Variants in ESR1 observed in about 807,000 individuals in gnomAD.
The protein encoded by ESR1 is estrogen receptor 1.
ESR1 carries 12 observed loss-of-function variants against 52.7 expected under a neutral mutation model. That is an observed-to-expected ratio of 0.23 (90% CI 0.15 to 0.37). The LOEUF (loss-of-function observed/expected upper bound fraction) is 0.37. Ranked by LOEUF, ESR1 falls within the 10% of genes least tolerant of loss-of-function variation. The probability of loss-of-function intolerance (pLI) is 1.00; values close to 1 mark genes in which losing one functional copy is unlikely to be tolerated. For synonymous variants in ESR1, 305 were observed against 316.8 expected (o/e 0.96, Z 0.39); for missense variants, 584 against 779.7 (o/e 0.75, Z 2.99).
intron 1 of ESR1, among the ~76,000 whole-genome samples, chr6:151,671,150 T>C (rs996881513): frequency 6.6e-6 from 1 of 152,250 alleles, no homozygotes; most frequent in Middle Eastern, 3.4e-3. Flanking sequence ...AGTAAAATAA[T>C]ACATAGAAAG....
chr6:151,991,216 T>C (rs2040980643), intron 4 of ESR1, among the ~76,000 whole-genome samples: 1 of 152,202 alleles, frequency 6.6e-6, no homozygotes, highest in Non-Finnish European at 1.5e-5. Context: ...ACTGACCTGA[T>C]TTGGGTAACT....
intron 2 of ESR1, among the ~76,000 whole-genome samples, chr6:151,705,090 C>T (rs770249086): frequency 9.9e-5 from 15 of 151,944 alleles, no homozygotes; most frequent in Admixed American, 2.6e-4. Context: ...CCATTGTGTG[C>T]GAGATATGGG....
At chr6:151,764,565 A>C (rs1784903962) in intron 2 of ESR1, among the ~76,000 whole-genome samples, 1 of 152,146 alleles carries the variant, frequency 6.6e-6, no homozygotes, top group South Asian at 2.1e-4. Context: ...CTGGAAATCG[A>C]TGGAAGAAGT....
intron 6 of ESR1, among the ~76,000 whole-genome samples, chr6:152,071,473 C>A (rs2048345642): frequency 6.6e-6 from 1 of 152,158 alleles, no homozygotes; most frequent in East Asian, 1.9e-4. Flanking sequence ...GGGCAAGTTG[C>A]TTAAACCCTT....
chr6:151,963,976 TCTTA>T (rs367905829), intron 4 of ESR1, among the ~76,000 whole-genome samples: 52 of 152,300 alleles, frequency 3.4e-4, no homozygotes, highest in African/African-American at 1.2e-3. Flanking sequence ...AATAAGTTGA[TCTTA>T]CTTGTGCGGG....
chr6:151,690,152 C>T (rs956783534), upstream of ESR1, among the ~76,000 whole-genome samples: 4 of 152,150 alleles, frequency 2.6e-5, no homozygotes, highest in African/African-American at 4.8e-5. Flanking sequence ...TTTCCTTGCC[C>T]CTGCTTTTAG....
chr6:151,708,858 G>A (rs1780366541), intron 2 of ESR1, among the ~76,000 whole-genome samples: 1 of 151,960 alleles, frequency 6.6e-6, no homozygotes, highest in African/African-American at 2.4e-5. Flanking sequence ...GATATTTTGA[G>A]ATATACATAT....
chr6:151,755,379 AT>A (rs1784207339), intron 2 of ESR1, among the ~76,000 whole-genome samples: 1 of 152,136 alleles, frequency 6.6e-6, no homozygotes, highest in Non-Finnish European at 1.5e-5. Context: ...CCATGGGGTC[AT>A]TCTTGACTCC....
intron 2 of ESR1, among the ~76,000 whole-genome samples, chr6:151,734,301 A>G (rs1283454629): frequency 6.6e-6 from 1 of 152,172 alleles, no homozygotes; most frequent in Non-Finnish European, 1.5e-5. Context: ...AGTGGACACA[A>G]TCCACGTCAA....
At chr6:151,772,777 C>T (rs1175229374) in intron 2 of ESR1, among the ~76,000 whole-genome samples, 1 of 152,124 alleles carries the variant, frequency 6.6e-6, no homozygotes, top group African/African-American at 2.4e-5. Flanking sequence ...TGCTAAAGGA[C>T]TGCTCCACAG....
intron 1 of ESR1, among the ~76,000 whole-genome samples, chr6:151,835,293 T>C (rs1583558346): frequency 6.6e-6 from 1 of 152,122 alleles, no homozygotes; most frequent in Non-Finnish European, 1.5e-5. Context: ...GCAGAGTGGG[T>C]ATTTAGCACA....
At chr6:151,918,533 A>G (rs1333749412) in intron 3 of ESR1, among the ~76,000 whole-genome samples, 6 of 152,224 alleles carry the variant, frequency 3.9e-5, no homozygotes, top group Non-Finnish European at 7.3e-5. Context: ...ATCATGAGGT[A>G]TTATGGTTAC....
At chr6:151,784,289 G>A (rs1786814531) in intron 2 of ESR1, among the ~76,000 whole-genome samples, 1 of 151,966 alleles carries the variant, frequency 6.6e-6, no homozygotes, top group Non-Finnish European at 1.5e-5. Flanking sequence ...TTTATTTATT[G>A]AATTATTTAT....
chr6:151,669,878 A>C (rs1777986953), intron 1 of ESR1, among the ~76,000 whole-genome samples: 1 of 152,186 alleles, frequency 6.6e-6, no homozygotes. Flanking sequence ...ACACATTTGC[A>C]TTGGGGAGAA....
intron 1 of ESR1, among the ~76,000 whole-genome samples, chr6:151,668,230 CT>C (rs1452561743): frequency 6.6e-6 from 1 of 152,152 alleles, no homozygotes; most frequent in Non-Finnish European, 1.5e-5. Context: ...GACAGGAACA[CT>C]GTGTCCTCAT....
At chr6:151,734,568 C>G (rs1291849009) in intron 2 of ESR1, among the ~76,000 whole-genome samples, 2 of 152,082 alleles carry the variant, frequency 1.3e-5, no homozygotes, top group Admixed American at 6.6e-5. Flanking sequence ...AAGGTTAGGG[C>G]TTCTTGCTGC....
chr6:152,030,995 C>T lies in ESR1; in HGVS notation c.1235+19201C>T, dbSNP rs543670720. On this transcript the variant is annotated intron_variant, in intron 5 of 7. Coordinates refer to ENST00000206249, the MANE Select transcript of ESR1 (RefSeq NM_000125.4). ...CAGGATTAAGAAACTCACTCAAAAC[C>T]GCTCAACTACATGGAAACTGAACAA... 3.4e-4 allele frequency among the ~76,000 whole-genome samples: 51 copies of T among 152,190 alleles called. 1 individual carries two copies. The highest frequency in any genetic ancestry group is 3.7e-4 in the Non-Finnish European group (25 of 67,990).
chr6:151,674,299 G>A (rs1029441558), intron 1 of ESR1, among the ~76,000 whole-genome samples: 1 of 152,132 alleles, frequency 6.6e-6, no homozygotes, highest in South Asian at 2.1e-4. Flanking sequence ...TTCTGTTCCT[G>A]TGTTAGTTTG....
At chr6:152,042,390 G>A (rs892574759) in intron 5 of ESR1, among the ~76,000 whole-genome samples, 2 of 152,164 alleles carry the variant, frequency 1.3e-5, no homozygotes, top group Non-Finnish European at 1.5e-5. Context: ...GGAGGACCAC[G>A]TGATGTTTTG....
Sources: allele counts gnomAD v4.1 joint callset (sites outside exome capture counted in the v4.1 genomes callset), GRCh38; gene constraint gnomAD v4.1.1; transcripts MANE v1.5; gene names NCBI Gene and HGNC (gene_info 2026-07-23, HGNC 2026-07-21).